Variants in PTPRM observed in about 807,000 individuals in gnomAD.
The protein encoded by PTPRM is protein tyrosine phosphatase receptor type M, also known as receptor-type tyrosine-protein phosphatase mu.
In PTPRM, 47 loss-of-function variants were observed where a neutral mutation model predicts 186.7. The ratio of observed to expected loss-of-function variants is 0.25; its 90% CI spans 0.20 to 0.32. The LOEUF (loss-of-function observed/expected upper bound fraction) is 0.32. PTPRM is among the 10% of genes least tolerant of loss of function. The probability of loss-of-function intolerance (pLI) is 1.00; values close to 1 mark genes in which losing one functional copy is unlikely to be tolerated. For synonymous variants in PTPRM, 668 were observed against 674.9 expected, an observed-to-expected ratio of 0.99 and a Z score of 0.16; for missense variants, 1,494 against 1,865.0, an observed-to-expected ratio of 0.80 and a Z score of 3.66.
intron 20 of PTPRM, among the ~76,000 whole-genome samples, chr18:8,302,292 G>A (rs2095167095): frequency 6.6e-6 from 1 of 152,060 alleles, no homozygotes; most frequent in Non-Finnish European, 1.5e-5. Context: ...AGAATTGGGA[G>A]GGGTTCATGT....
At chr18:8,373,823 T>C (rs2095678618) in intron 24 of PTPRM, among the ~76,000 whole-genome samples, 1 of 151,058 alleles carries the variant, frequency 6.6e-6, no homozygotes, top group Non-Finnish European at 1.5e-5. Context: ...AGTTCAAGAC[T>C]GCAGTGACCC....
intron 7 of PTPRM, among the ~76,000 whole-genome samples, chr18:8,031,155 G>T (rs1361713844): frequency 6.6e-6 from 1 of 152,120 alleles, no homozygotes; most frequent in Non-Finnish European, 1.5e-5. Flanking sequence ...AGGCTATTCG[G>T]TAGTAAACAC....
intron 20 of PTPRM, among the ~76,000 whole-genome samples, chr18:8,301,383 T>A (rs1317737938): frequency 6.6e-6 from 1 of 152,094 alleles, no homozygotes; most frequent in African/African-American, 2.4e-5. Context: ...GCCCTCCTAA[T>A]ACTCTCAACA....
intron 2 of PTPRM, among the ~76,000 whole-genome samples, chr18:7,855,593 C>G (rs950162113): frequency 1.3e-5 from 2 of 152,206 alleles, no homozygotes; most frequent in Admixed American, 1.3e-4. Flanking sequence ...TTAAATGGAA[C>G]TAATAGCACT....
chr18:8,139,878 C>T (rs1339028991), intron 13 of PTPRM, among the ~76,000 whole-genome samples: 3 of 152,182 alleles, frequency 2.0e-5, no homozygotes, highest in Non-Finnish European at 2.9e-5. Flanking sequence ...CTGTCTTCCC[C>T]ACAAGGATTT....
chr18:8,245,337 A>T (rs1360958722), intron 15 of PTPRM, among the ~76,000 whole-genome samples: 1 of 152,106 alleles, frequency 6.6e-6, no homozygotes, highest in Non-Finnish European at 1.5e-5. Flanking sequence ...TGTACTACAC[A>T]CACACATGGC....
chr18:7,902,769 C>T (rs766818975), intron 3 of PTPRM, among the ~76,000 whole-genome samples: 3 of 150,698 alleles, frequency 2.0e-5, no homozygotes, highest in Non-Finnish European at 2.9e-5. Context: ...TTCTGTGACG[C>T]GATGGATGAA....
At chr18:8,230,447 T>C (rs1176054642) in intron 14 of PTPRM, among the ~76,000 whole-genome samples, 1 of 152,242 alleles carries the variant, frequency 6.6e-6, no homozygotes, top group Non-Finnish European at 1.5e-5. Flanking sequence ...TAGCTAGTGA[T>C]GCCAATAGAT....
rs11081357 is a variant in PTPRM at position 8,028,972 on chromosome 18, C to T, written c.1133-40714C>T. ...AGAGCATTCTAATCCCACTGAATCC[C>T]TCAGGAAATGAATGTGTAGGTCTTT... On this transcript the variant is annotated intron_variant, in intron 7 of 32. Coordinates refer to ENST00000580170, the MANE Select transcript of PTPRM (RefSeq NM_001105244.2). 2.0e-5 allele frequency among the ~76,000 whole-genome samples: 3 copies of T among 152,176 alleles called. No individual in the cohort carries two copies. The East Asian group carries it at 5.8e-4, about 29-fold the overall frequency.
intron 1 of PTPRM, among the ~76,000 whole-genome samples, chr18:7,590,349 G>T (rs2037092259): frequency 1.3e-5 from 2 of 152,164 alleles, no homozygotes; most frequent in Admixed American, 6.5e-5. Context: ...TCAATTCATT[G>T]ATCAGTGGCT....
intron 3 of PTPRM, among the ~76,000 whole-genome samples, chr18:7,892,373 AC>A (rs2049126370): frequency 6.6e-6 from 1 of 152,202 alleles, no homozygotes; most frequent in Non-Finnish European, 1.5e-5. Flanking sequence ...GGAAGACCAG[AC>A]TTTAAAAAGG....
intron 14 of PTPRM, among the ~76,000 whole-genome samples, chr18:8,195,267 G>A (rs77637558): frequency 0.044 from 6,490 of 148,396 alleles, 212 homozygotes; most frequent in Middle Eastern, 0.073. Flanking sequence ...TATTTGCTTC[G>A]TGGTTCCATC....
intron 2 of PTPRM, among the ~76,000 whole-genome samples, chr18:7,776,470 TG>T (rs2042586477): frequency 6.6e-6 from 1 of 152,084 alleles, no homozygotes; most frequent in African/African-American, 2.4e-5. Context: ...TAAATATTTT[TG>T]CCATAATATA....
At chr18:8,142,144 A>G (rs2092780149) in intron 13 of PTPRM, among the ~76,000 whole-genome samples, 1 of 152,264 alleles carries the variant, frequency 6.6e-6, no homozygotes, top group South Asian at 2.1e-4. Context: ...TCATTGAATC[A>G]AAATAGCAGG....
intron 14 of PTPRM, among the ~76,000 whole-genome samples, chr18:8,224,967 G>A (rs558999019): frequency 1.3e-5 from 2 of 152,244 alleles, no homozygotes; most frequent in African/African-American, 4.8e-5. Flanking sequence ...CTTGATTAGC[G>A]AGTTGCAGTT....
At chr18:8,257,986 T>G (rs1409227099) in intron 19 of PTPRM, among the ~76,000 whole-genome samples, 3 of 152,156 alleles carry the variant, frequency 2.0e-5, no homozygotes, top group Non-Finnish European at 4.4e-5. Flanking sequence ...AGGTTTTTTA[T>G]TTGATTTTGT....
intron 23 of PTPRM, 60 bp from the exon 24 acceptor site, chr18:8,370,830 T>C (rs1451102578): frequency 1.0e-6 from 1 of 981,544 alleles, no homozygotes; most frequent in East Asian, 2.5e-5. Context: ...TGACCCATCA[T>C]GGGAGGAACT....
chr18:8,128,986 A>C (rs1204696348), intron 13 of PTPRM, among the ~76,000 whole-genome samples: 1 of 152,140 alleles, frequency 6.6e-6, no homozygotes, highest in Non-Finnish European at 1.5e-5. Flanking sequence ...CATATATTGA[A>C]ATTTCATATT....
At chr18:7,780,793 G>T (rs1300433081) in intron 2 of PTPRM, among the ~76,000 whole-genome samples, 1 of 152,124 alleles carries the variant, frequency 6.6e-6, no homozygotes, top group African/African-American at 2.4e-5. Context: ...AGCAATGGGG[G>T]TTGCAGACAG....
Sources: gnomAD v4.1 joint callset for allele counts (sites outside exome capture counted in the v4.1 genomes callset) on GRCh38, gnomAD v4.1.1 for gene constraint, MANE v1.5 for transcripts, NCBI Gene and HGNC (gene_info 2026-07-23, HGNC 2026-07-21) for gene names.